The following GRB2 variants were observed in gnomAD, a reference collection of about 807,000 sequenced individuals.
GRB2 encodes the protein growth factor receptor-bound protein 2.
Under a neutral mutation model 27.4 loss-of-function variants are expected in GRB2, and 2 were observed. That is an observed-to-expected ratio of 0.07 (90% confidence interval 0.03 to 0.23). GRB2 has a LOEUF of 0.23. Ranked by LOEUF, GRB2 falls within the 10% of genes least tolerant of loss-of-function variation. The pLI, the probability that GRB2 is intolerant of heterozygous loss-of-function variation, is 1.00. For missense variants in GRB2, 102 were observed against 282.4 expected (o/e 0.36, Z 4.58); for synonymous variants, 94 against 99.6 (o/e 0.94, Z 0.33).
chr17:75,368,637 TGATCCTCCCA>T (rs1223053104), intron 2 of GRB2, among the ~76,000 whole-genome samples: 2 of 151,682 alleles, frequency 1.3e-5, no homozygotes, highest in African/African-American at 4.9e-5. Context: ...CCGGCTCAAA[TGATCCTCCCA>T]GATCCTCCCA....
rs2078780327 is a variant in GRB2, at chr17:75,361,331, T to C, written c.79-28534A>G. Among the ~76,000 whole-genome samples, 4 of 152,236 alleles carry C rather than the reference T, an allele frequency of 2.6e-5. No individual in the cohort carries two copies. The South Asian group carries it at 8.3e-4, about 32-fold the overall frequency. On this transcript the variant is annotated intron_variant, in intron 2 of 5. Transcript: ENST00000316804. The stretch of plus-strand genomic sequence containing the variant: ...CAAGGGAACAAACTAAACTACAGAG[T>C]GGCAAAGATCCAAATGCACATCTTT...
chr17:75,399,643 G>C (rs1295809476), intron 1 of GRB2, among the ~76,000 whole-genome samples: 1 of 151,588 alleles, frequency 6.6e-6, no homozygotes, highest in East Asian at 1.9e-4. Flanking sequence ...TGGGATTACA[G>C]GCCGTGAGCC....
intron 2 of GRB2, among the ~76,000 whole-genome samples, chr17:75,356,500 C>T (rs1281859391): frequency 1.3e-5 from 2 of 152,088 alleles, no homozygotes; most frequent in Non-Finnish European, 2.9e-5. Context: ...AGGGCAAGAC[C>T]CTATCATTCG....
intron 1 of GRB2, among the ~76,000 whole-genome samples, chr17:75,399,367 C>CTTTTT (rs71161208): frequency 9.3e-6 from 1 of 107,950 alleles, no homozygotes; most frequent in African/African-American, 3.1e-5. Context: ...ACAATCTTTT[C>CTTTTT]TTTTTTTTTT....
intron 2 of GRB2, among the ~76,000 whole-genome samples, chr17:75,355,699 T>TC (rs2078727660): frequency 6.6e-6 from 1 of 151,848 alleles, no homozygotes; most frequent in African/African-American, 2.4e-5. Flanking sequence ...CTGGGCCACA[T>TC]GTGGCCTGCG....
At chr17:75,330,567 G>A (rs1228306668) in intron 3 of GRB2, among the ~76,000 whole-genome samples, 5 of 151,930 alleles carry the variant, frequency 3.3e-5, no homozygotes, top group Non-Finnish European at 7.4e-5. Context: ...CCAGCTACTC[G>A]GCAGGCTGAG....
intron 1 of GRB2, among the ~76,000 whole-genome samples, chr17:75,395,579 T>C (rs2079024394): frequency 6.6e-6 from 1 of 152,214 alleles, no homozygotes; most frequent in African/African-American, 2.4e-5. Flanking sequence ...TTTTGTTTTT[T>C]GCTTTCTCTT....
chr17:75,387,296 A>C (rs1034699884), intron 2 of GRB2, among the ~76,000 whole-genome samples: 3 of 151,316 alleles, frequency 2.0e-5, no homozygotes, highest in Non-Finnish European at 4.4e-5. Context: ...ACCTCTACTA[A>C]AAGTACAAAA....
At position 75,401,317 on chromosome 17, in the gene GRB2, C is replaced by T. The variant is rs551218302; in HGVS notation, c.-138+4172G>A. 5.3e-5 allele frequency among the ~76,000 whole-genome samples: 8 copies of T among 151,314 alleles called. No individual in the cohort carries two copies. In the East Asian group the frequency reaches 9.7e-4, roughly 18 times the overall value. ...AAAATTAGCCGGGCGCGGTGGCGGG[C>T]GCCTGTAGTCCCAGCTACTCGGGAG... On this transcript the variant is annotated intron_variant, in intron 1 of 5. Coordinates refer to ENST00000316804, the MANE Select transcript of GRB2 (RefSeq NM_002086.5).
intron 2 of GRB2, among the ~76,000 whole-genome samples, chr17:75,361,062 T>A (rs574745738): frequency 6.6e-6 from 1 of 152,202 alleles, no homozygotes; most frequent in African/African-American, 2.4e-5. Context: ...TCAGCCACTA[T>A]GCCTGACCTA....
At chr17:75,381,083 C>T (rs181239017) in intron 2 of GRB2, among the ~76,000 whole-genome samples, 20 of 152,208 alleles carry the variant, frequency 1.3e-4, no homozygotes, top group Non-Finnish European at 2.4e-4. Context: ...AAATTATTAA[C>T]AGAAACAAGT....
intron 1 of GRB2, among the ~76,000 whole-genome samples, chr17:75,395,883 C>T (rs963168651): frequency 1.3e-5 from 2 of 151,378 alleles, no homozygotes; most frequent in Admixed American, 1.3e-4. Flanking sequence ...TCTAAGATTG[C>T]CCAGGCTAGA....
chr17:75,381,438 A>T (rs2078926791), intron 2 of GRB2, among the ~76,000 whole-genome samples: 1 of 152,110 alleles, frequency 6.6e-6, no homozygotes. Flanking sequence ...GTATGAAAAT[A>T]AAGATACGGC....
In GRB2 at chr17:75,393,706, G is replaced by A. The variant is rs911098430; in HGVS notation, c.-78C>T. ...CCTGCTGAAGCAACCCAGCGCTCTG[G>A]GCTTAGCCTCGCCTCTCTTCTGGGA... is the stretch of plus-strand genomic sequence containing the variant. On this transcript the variant is annotated 5_prime_UTR_variant, in exon 2 of 6. Transcript: ENST00000316804. 2.6e-6 allele frequency: 3 copies of A among 1,150,196 alleles called. No homozygotes were observed. Among genetic ancestry groups the A allele is most frequent in the African/African-American group, 1.5e-5 (1 of 65,902 alleles). The allele number at this position is 1,150,196 out of a possible 1,614,324, so 71.2% of individuals were successfully genotyped here.
intron 2 of GRB2, among the ~76,000 whole-genome samples, chr17:75,383,320 C>T (rs1369159934): frequency 6.6e-6 from 1 of 152,120 alleles, no homozygotes; most frequent in East Asian, 1.9e-4. Flanking sequence ...AAAAACTCTC[C>T]ATCAATACTG....
At chr17:75,383,273 G>T (rs540733032) in intron 2 of GRB2, among the ~76,000 whole-genome samples, 1 of 152,104 alleles carries the variant, frequency 6.6e-6, no homozygotes, top group Non-Finnish European at 1.5e-5. Flanking sequence ...CACAGCATAG[G>T]TATCCATCTA....
chr17:75,385,223 A>G (rs1036402273), intron 2 of GRB2, among the ~76,000 whole-genome samples: 3 of 152,002 alleles, frequency 2.0e-5, no homozygotes, highest in African/African-American at 7.3e-5. Flanking sequence ...CCTGGGTGAC[A>G]GAGCAAGACC....
At chr17:75,334,211 C>G (rs1004631164) in intron 2 of GRB2, among the ~76,000 whole-genome samples, 1 of 151,992 alleles carries the variant, frequency 6.6e-6, no homozygotes, top group Non-Finnish European at 1.5e-5. Context: ...CGCTCTGTCG[C>G]CCAGGCTGGA....
intron 2 of GRB2, among the ~76,000 whole-genome samples, chr17:75,391,824 AAAAAAT>A (rs1253516952): frequency 4.4e-5 from 5 of 112,642 alleles, no homozygotes; most frequent in Non-Finnish European, 1.1e-4. Context: ...AAAAAAAAAA[AAAAAAT>A]TCTTAAAAAG....
Sources: allele counts gnomAD v4.1 joint callset (sites outside exome capture counted in the v4.1 genomes callset), GRCh38; gene constraint gnomAD v4.1.1; transcripts MANE v1.5; gene names NCBI Gene and HGNC (gene_info 2026-07-23, HGNC 2026-07-21).